The following MBTD1 variants were observed in gnomAD, a reference collection of about 807,000 sequenced individuals.
MBTD1 encodes mbt domain containing 1.
A neutral mutation model predicts 87.8 loss-of-function variants in MBTD1; 24 were observed. The ratio of observed to expected loss-of-function variants is 0.27; its 90% confidence interval spans 0.20 to 0.38. MBTD1 has a LOEUF of 0.38. Among genes scored for constraint, MBTD1 ranks in the 10% least tolerant of loss-of-function variants. MBTD1 has a pLI of 1.00. For missense variants in MBTD1, 436 were observed against 760.2 expected, an observed-to-expected ratio of 0.57 and a Z score of 5.02; for synonymous variants, 237 against 248.6, an observed-to-expected ratio of 0.95 and a Z score of 0.44.
chr17:51,184,909 C>A (rs2050466438), intron 16 of MBTD1: 1 of 152,186 alleles, frequency 6.6e-6, no homozygotes, highest in Non-Finnish European at 1.5e-5. Flanking sequence ...GATTTACAAT[C>A]CTAATTTGTT....
At chr17:51,234,258 T>C (rs1432407837) in intron 2 of MBTD1, among the ~76,000 whole-genome samples, 1 of 151,778 alleles carries the variant, frequency 6.6e-6, no homozygotes, top group Admixed American at 6.6e-5. Context: ...CTGGGTGTAG[T>C]GGCATGCACC....
intron 2 of MBTD1, among the ~76,000 whole-genome samples, chr17:51,247,079 G>A (rs2054481838): frequency 6.6e-6 from 1 of 152,144 alleles, no homozygotes; most frequent in Admixed American, 6.5e-5. Flanking sequence ...CTATGTACAT[G>A]TGCATATGTG....
intron 2 of MBTD1, among the ~76,000 whole-genome samples, chr17:51,252,945 G>A (rs903231808): frequency 2.0e-5 from 3 of 151,756 alleles, no homozygotes; most frequent in Admixed American, 6.6e-5. Context: ...TTTAGAATTA[G>A]AGAGATAGAT....
intron 16 of MBTD1, among the ~76,000 whole-genome samples, chr17:51,181,494 C>A (rs1230799094): frequency 6.6e-6 from 1 of 152,172 alleles, no homozygotes; most frequent in South Asian, 2.1e-4. Context: ...ATCCCCATCT[C>A]TACAAAAAAC....
Position 51,180,435 on chromosome 17 carries a change from C to T in MBTD1, c.*141G>A, listed in dbSNP as rs188810361. ...GCCCCCCCGACTAAAATAGCTCCCCCACCCACCTGAAAAATCTGGAACTGA... is the reference window on the plus strand; with the variant it reads ...GCCCCCCCGACTAAAATAGCTCCCCTACCCACCTGAAAAATCTGGAACTGA... On this transcript the variant is annotated 3_prime_UTR_variant, in exon 17 of 17. Coordinates refer to ENST00000586178, the MANE Select transcript of MBTD1 (RefSeq NM_017643.3). 3.6e-3 allele frequency: 760 copies of T among 214,026 alleles called. 6 individuals are homozygous for T. Among genetic ancestry groups the T allele is most frequent in the Middle Eastern group, 0.02 (12 of 608 alleles). The allele number at this position is 214,026 out of a possible 1,614,324, so 13.3% of individuals were successfully genotyped here. A position where few individuals can be genotyped will look rare whatever the true frequency, so the allele number is the denominator to read the frequency against.
chr17:51,192,657 C>A (rs1323242412), intron 15 of MBTD1, 125 bp downstream of exon 15: 1 of 1,511,440 alleles, frequency 6.6e-7, no homozygotes, highest in Non-Finnish European at 8.8e-7. Flanking sequence ...TAATGTCTTA[C>A]CTGGCAACCA....
At position 51,177,648 on chromosome 17, in the gene MBTD1, AG is replaced by A. The variant is rs1255183524; in HGVS notation, c.*2927del. 6.6e-6 allele frequency: 1 copy of A among 152,182 alleles called. No individual in the cohort carries two copies. The highest frequency in any genetic ancestry group is 1.5e-5 in the Non-Finnish European group (1 of 68,040). The allele number at this position is 152,182 out of a possible 1,614,324, so 9.4% of individuals were successfully genotyped here. A position where few individuals can be genotyped will look rare whatever the true frequency, so the allele number is the denominator to read the frequency against. Reference sequence around the variant, plus strand: ...CTTTCTCAATGATCACGAGTTACCAAGAAAATAAAAGATTAAATTTGTACAG... The same window carrying A: ...CTTTCTCAATGATCACGAGTTACCAAAAAATAAAAGATTAAATTTGTACAG... On this transcript the variant is annotated 3_prime_UTR_variant, in exon 17 of 17. Coordinates refer to ENST00000586178, the MANE Select transcript of MBTD1 (RefSeq NM_017643.3).
In MBTD1 at chr17:51,202,091, T is replaced by TTACA; in HGVS notation, c.1064-18_1064-15dup. The stretch of plus-strand genomic sequence containing the variant: ...TCTTTGTAATATCTACAAGGAAAAG[T>TTACA]TACACACTAATCTGTCAGCATTTGT... On this transcript the variant is annotated splice_polypyrimidine_tract_variant and intron_variant, in intron 10 of 16. Transcript: ENST00000586178. The TTACA allele has an allele frequency of 6.5e-7, 1 of 1,548,456 alleles. No homozygotes were observed. The highest frequency in any genetic ancestry group is 1.1e-5 in the South Asian group (1 of 88,732).
upstream of MBTD1, chr17:51,260,916 G>A: frequency 1.3e-6 from 2 of 1,583,324 alleles, no homozygotes; most frequent in African/African-American, 1.4e-5. Context: ...CGGCGTCTGC[G>A]AGGCCCGAGG....
rs986507659 is a variant in MBTD1, at chr17:51,236,327, C to T, written c.-48-11118G>A. Among the ~76,000 whole-genome samples, 7 of 152,090 alleles carry T rather than the reference C, an allele frequency of 4.6e-5. No homozygotes were observed. In the South Asian group the frequency reaches 1.0e-3, roughly 23 times the overall value. The stretch of plus-strand genomic sequence containing the variant: ...GTGGCATGATCTCAGCTCACTGCAA[C>T]CTTCACCTCCTGGGTTCAAGCGATT... On this transcript the variant is annotated intron_variant, in intron 2 of 16. Transcript: ENST00000586178.
chr17:51,224,336 AG>A (rs1301520614), intron 3 of MBTD1, among the ~76,000 whole-genome samples: 2 of 152,244 alleles, frequency 1.3e-5, no homozygotes, highest in African/African-American at 4.8e-5. Context: ...ACTAGAACGA[AG>A]GGTTCTATTG....
At chr17:51,200,120 T>C (rs1165925401) in intron 12 of MBTD1, among the ~76,000 whole-genome samples, 2 of 152,176 alleles carry the variant, frequency 1.3e-5, no homozygotes, top group African/African-American at 4.8e-5. Flanking sequence ...CTACCATGCC[T>C]GGGCCATCAT....
At chr17:51,257,982 C>T (rs977827278) in intron 2 of MBTD1, among the ~76,000 whole-genome samples, 1 of 146,152 alleles carries the variant, frequency 6.8e-6, no homozygotes, top group Non-Finnish European at 1.5e-5. Context: ...ATAGAAGCTA[C>T]TTGTTATTCA....
At chr17:51,217,253 A>T in intron 6 of MBTD1, 81 bp downstream of exon 6, 1 of 718,736 alleles carries the variant, frequency 1.4e-6, no homozygotes, top group Non-Finnish European at 2.3e-6. Flanking sequence ...TTCTAAGGAT[A>T]AGATGCTTAG....
intron 16 of MBTD1, among the ~76,000 whole-genome samples, chr17:51,189,484 A>G (rs1235938062): frequency 6.6e-6 from 1 of 152,218 alleles, no homozygotes; most frequent in African/African-American, 2.4e-5. Context: ...TGGGGTGCTA[A>G]TATTTCTTCA....
chr17:51,257,278 T>G (rs1316429495), intron 2 of MBTD1, among the ~76,000 whole-genome samples: 1 of 152,216 alleles, frequency 6.6e-6, no homozygotes, highest in Non-Finnish European at 1.5e-5. Flanking sequence ...AGGTTATATC[T>G]TATTTAGCAA....
intron 13 of MBTD1, among the ~76,000 whole-genome samples, chr17:51,194,746 G>C (rs2050999911): frequency 6.7e-6 from 1 of 150,228 alleles, no homozygotes; most frequent in Non-Finnish European, 1.5e-5. Context: ...AAAAAAGTCA[G>C]ACATGGTTGT....
intron 6 of MBTD1, among the ~76,000 whole-genome samples, chr17:51,215,927 A>ATTTTTTTTTT (rs35988235): frequency 2.6e-5 from 3 of 114,210 alleles, no homozygotes; most frequent in Non-Finnish European, 3.5e-5. Context: ...TAAAGCCCTA[A>ATTTTTTTTTT]TTTTTTTTTT....
At chr17:51,211,003 G>A (rs1456496863) in intron 6 of MBTD1, among the ~76,000 whole-genome samples, 1 of 151,790 alleles carries the variant, frequency 6.6e-6, no homozygotes, top group Non-Finnish European at 1.5e-5. Context: ...CGGGTGTGGT[G>A]GCACGCACCT....
Sources: gnomAD v4.1 joint callset for allele counts (sites outside exome capture counted in the v4.1 genomes callset) on GRCh38, gnomAD v4.1.1 for gene constraint, MANE v1.5 for transcripts, NCBI Gene and HGNC (gene_info 2026-07-23, HGNC 2026-07-21) for gene names.